The following MIB1 variants were observed in gnomAD, a reference collection of about 807,000 sequenced individuals.
MIB1 encodes MIB E3 ubiquitin protein ligase 1.
A neutral mutation model predicts 124.5 loss-of-function variants in MIB1; 278 were observed. The observed-to-expected ratio is 2.23, with a 90% confidence interval of 2.02 to 2.47. The LOEUF (loss-of-function observed/expected upper bound fraction) is 2.47, where lower values mean the gene tolerates loss of function less well. Among genes scored for constraint, MIB1 ranks in the 30% most tolerant of loss-of-function variants. The pLI, the probability that MIB1 is intolerant of heterozygous loss-of-function variation, is 0.00. For missense variants in MIB1, 957 were observed against 1,254.4 expected (o/e 0.76, Z 3.58); for synonymous variants, 446 against 429.4 (o/e 1.04, Z -0.48).
rs144839848 is a variant in MIB1 at position 21,707,748 on chromosome 18, C to T, written n.167+2625C>T. On this transcript the variant is annotated intron_variant and non_coding_transcript_variant, in intron 1 of 20. Coordinates refer to the MIB1 transcript ENST00000578646. ...CAAGAACCCACTAATTCTGGACACA[C>T]GGGGATTACAGGCATGAGCCACTGT... 7.2e-4 allele frequency among the ~76,000 whole-genome samples: 110 copies of T among 152,276 alleles called. 1 individual carries two copies. The East Asian group carries it at 0.02, about 27-fold the overall frequency.
intron 2 of MIB1, 29 bp downstream of exon 2, chr18:21,765,972 G>A (rs375820093): frequency 8.1e-6 from 13 of 1,607,426 alleles, no homozygotes; most frequent in African/African-American, 4.0e-5. Flanking sequence ...TTCTTCAACC[G>A]AGGGTTTTTG....
intron 10 of MIB1, among the ~76,000 whole-genome samples, chr18:21,805,965 G>A (rs1378071873): frequency 3.5e-5 from 5 of 142,854 alleles, no homozygotes; most frequent in African/African-American, 5.3e-5. Context: ...ATGCAGTTGA[G>A]TGTTCTTGGC....
intron 10 of MIB1, among the ~76,000 whole-genome samples, chr18:21,810,787 GAA>G (rs1288347750): frequency 6.6e-6 from 1 of 151,772 alleles, no homozygotes; most frequent in Non-Finnish European, 1.5e-5. Context: ...CCTTTTTGAA[GAA>G]AAAGAGGGCA....
intron 1 of MIB1, among the ~76,000 whole-genome samples, chr18:21,706,293 C>G (rs2040627550): frequency 6.6e-6 from 1 of 152,196 alleles, no homozygotes; most frequent in African/African-American, 2.4e-5. Context: ...GTTGACCAGG[C>G]TGGTCTGGAA....
At chr18:21,835,819 A>ACACACACACACC in intron 12 of MIB1, among the ~76,000 whole-genome samples, 1 of 45,936 alleles carries the variant, frequency 2.2e-5, no homozygotes, top group Non-Finnish European at 4.9e-5. Flanking sequence ...ACACACACAC[A>ACACACACACACC]CACACACACA....
intron 12 of MIB1, among the ~76,000 whole-genome samples, chr18:21,835,615 TA>T: frequency 6.7e-6 from 1 of 150,170 alleles, no homozygotes; most frequent in Non-Finnish European, 1.5e-5. Flanking sequence ...AAAATACACA[TA>T]AAAAATTAGC....
chr18:21,791,179 CT>C (rs1297538259), intron 6 of MIB1, among the ~76,000 whole-genome samples, 194 bp from the exon 7 acceptor site: 18 of 142,436 alleles, frequency 1.3e-4, no homozygotes, highest in Non-Finnish European at 9.1e-5. Flanking sequence ...AAGACTCTGT[CT>C]AAAAAAAAAA....
At chr18:21,755,369 T>TCTCAGTC (rs946739193) in intron 1 of MIB1, among the ~76,000 whole-genome samples, 6 of 151,476 alleles carry the variant, frequency 4.0e-5, no homozygotes, top group African/African-American at 1.5e-4. Context: ...TCTCACTCTG[T>TCTCAGTC]CACCCAGGCT....
At chr18:21,753,860 T>C (rs1484340111) in intron 1 of MIB1, among the ~76,000 whole-genome samples, 5 of 152,038 alleles carry the variant, frequency 3.3e-5, no homozygotes, top group Non-Finnish European at 7.4e-5. Flanking sequence ...GTGTTTTTAT[T>C]AGAGACAGGA....
rs534626919 is a variant in MIB1, at chr18:21,789,491, A to C, written c.909-1883A>C. 3.3e-5 allele frequency among the ~76,000 whole-genome samples: 5 copies of C among 152,148 alleles called. No individual in the cohort carries two copies. The South Asian group carries it at 1.0e-3, about 32-fold the overall frequency. On this transcript the variant is annotated intron_variant, in intron 6 of 20. Transcript: ENST00000261537. Reference sequence around the variant, plus strand: ...GGAAGGGGGCATAATTCAACCCACAATAGATGGCAGTATTTCCCAAACTAA... The same window carrying C: ...GGAAGGGGGCATAATTCAACCCACACTAGATGGCAGTATTTCCCAAACTAA...
chr18:21,811,205 AAAC>A (rs2041769576), intron 10 of MIB1, among the ~76,000 whole-genome samples: 1 of 152,158 alleles, frequency 6.6e-6, no homozygotes, highest in South Asian at 2.1e-4. Context: ...GCTGTTATCA[AAAC>A]AACCAGAAAA....
intron 12 of MIB1, among the ~76,000 whole-genome samples, chr18:21,837,166 T>C (rs2042041042): frequency 6.6e-6 from 1 of 152,180 alleles, no homozygotes; most frequent in Admixed American, 6.6e-5. Flanking sequence ...GAAGGGGCTC[T>C]GTAAGCTGTG....
At chr18:21,738,188 T>G (rs976784313), upstream of MIB1, among the ~76,000 whole-genome samples, 1 of 152,162 alleles carries the variant, frequency 6.6e-6, no homozygotes, top group African/African-American at 2.4e-5. Flanking sequence ...AGTAAAACAC[T>G]CCTCAGCAAA....
rs2042335392 is a variant in MIB1, at chr18:21,868,448, G to A, written c.*3782G>A. ...TCTGAATTGTTAGCAATTAAATTGA[G>A]TAGGTTTTAAATGTCTATTCATTGG... is the stretch of plus-strand genomic sequence containing the variant. On this transcript the variant is annotated 3_prime_UTR_variant, in exon 21 of 21. Coordinates refer to ENST00000261537, the MANE Select transcript of MIB1 (RefSeq NM_020774.4). The A allele has an allele frequency of 6.6e-6, 1 of 152,428 alleles. No homozygotes were observed. Among genetic ancestry groups the A allele is most frequent in the Non-Finnish European group, 1.5e-5 (1 of 67,904 alleles). The allele number at this position is 152,428 out of a possible 1,614,324, so 9.4% of individuals were successfully genotyped here. A position where few individuals can be genotyped will look rare whatever the true frequency, so the allele number is the denominator to read the frequency against.
intron 1 of MIB1, among the ~76,000 whole-genome samples, chr18:21,730,638 G>A (rs2040764922): frequency 2.0e-5 from 3 of 152,152 alleles, no homozygotes; most frequent in Admixed American, 6.6e-5. Context: ...TCACTTGGTT[G>A]CCCAAGCCAG....
intron 1 of MIB1, among the ~76,000 whole-genome samples, chr18:21,707,591 A>G (rs947499292): frequency 6.6e-6 from 1 of 152,168 alleles, no homozygotes. Flanking sequence ...CAGGGAGACC[A>G]CGAACCCACC....
chr18:21,808,984 G>T (rs534047845), intron 10 of MIB1, among the ~76,000 whole-genome samples: 1 of 152,018 alleles, frequency 6.6e-6, no homozygotes, highest in South Asian at 2.1e-4. Context: ...TTAGTAGTAG[G>T]GAACAATACT....
At chr18:21,722,480 C>T (rs1032233196) in intron 1 of MIB1, among the ~76,000 whole-genome samples, 16 of 152,132 alleles carry the variant, frequency 1.1e-4, no homozygotes, top group Non-Finnish European at 7.4e-5. Context: ...AGGCAATTCT[C>T]TTGCCTCAGC....
intron 11 of MIB1, among the ~76,000 whole-genome samples, chr18:21,817,154 CTTTTT>C (rs1040673828): frequency 5.3e-5 from 4 of 75,010 alleles, no homozygotes; most frequent in Admixed American, 1.9e-4. Context: ...GTTAGGAATT[CTTTTT>C]TTTTTTTTTT....
Sources: gnomAD v4.1 joint callset for allele counts (sites outside exome capture counted in the v4.1 genomes callset) on GRCh38, gnomAD v4.1.1 for gene constraint, MANE v1.5 for transcripts, NCBI Gene and HGNC (gene_info 2026-07-23, HGNC 2026-07-21) for gene names.